PLCE1: variants seen among roughly 807,000 people sequenced by gnomAD.
PLCE1 encodes the protein 1-phosphatidylinositol 4,5-bisphosphate phosphodiesterase epsilon-1.
PLCE1 carries 119 observed loss-of-function variants against 242.8 expected under a neutral mutation model. That is an observed-to-expected ratio of 0.49 (90% CI 0.42 to 0.57). PLCE1 has a LOEUF of 0.57. Among genes scored for constraint, PLCE1 ranks in the 20% least tolerant of loss-of-function variants. The probability of loss-of-function intolerance (pLI) is 0.00; values close to 1 mark genes in which losing one functional copy is unlikely to be tolerated. For synonymous variants in PLCE1, 945 were observed against 1,017.4 expected (o/e 0.93, Z 1.35); for missense variants, 2,441 against 2,788.8 (o/e 0.88, Z 2.81).
At position 94,261,626 on chromosome 10, in the gene PLCE1, G is replaced by A. The variant is rs141011667; in HGVS notation, c.3815-868G>A. Among the ~76,000 whole-genome samples the A allele has an allele frequency of 3.3e-3, 507 of 152,260 alleles. 4 individuals carry two copies. The highest frequency in any genetic ancestry group is 0.012 in the African/African-American group (489 of 41,564). On this transcript the variant is annotated intron_variant, in intron 13 of 32. Coordinates refer to ENST00000371380, the MANE Select transcript of PLCE1 (RefSeq NM_016341.4). ...TTAAAATGGCCATACCAAAGTTGGT[G>A]CGAATGTGAAGCAATTGGAACATTG...
rs2052339147 is a variant in PLCE1 at position 94,283,854 on chromosome 10, TGAA to T, written c.4864_4866del (p.Glu1622del). On this transcript the variant is annotated inframe_deletion, in exon 21 of 33. Coordinates refer to ENST00000371380, the MANE Select transcript of PLCE1 (RefSeq NM_016341.4). ...ATGACAAGCTTCAGTTTGAATATAA[TGAA>T]GAAATCCCAAAGAGGATAAAGAAAG... 1 of 1,612,216 alleles carries T rather than the reference TGAA, an allele frequency of 6.2e-7. No homozygotes were observed. The highest frequency in any genetic ancestry group is 8.5e-7 in the Non-Finnish European group (1 of 1,178,760).
At chr10:94,325,923 T>C (rs907664200) in intron 32 of PLCE1, among the ~76,000 whole-genome samples, 1 of 152,190 alleles carries the variant, frequency 6.6e-6, no homozygotes, top group Non-Finnish European at 1.5e-5. Flanking sequence ...GCATCCGGGA[T>C]GTGGTTAAAA....
At chr10:94,250,564 G>A (rs2050841088) in intron 8 of PLCE1, among the ~76,000 whole-genome samples, 1 of 151,952 alleles carries the variant, frequency 6.6e-6, no homozygotes, top group Non-Finnish European at 1.5e-5. Context: ...ATTATTTTGT[G>A]TAAAACAAAA....
At chr10:94,086,596 G>A (rs1182432467) in intron 2 of PLCE1, among the ~76,000 whole-genome samples, 2 of 152,188 alleles carry the variant, frequency 1.3e-5, no homozygotes. Flanking sequence ...TGGAGGATAG[G>A]CCCATATGTC....
Position 94,284,832 on chromosome 10 carries a change from AT to A in PLCE1, c.4918-11del. On this transcript the variant is annotated splice_polypyrimidine_tract_variant and intron_variant, in intron 21 of 32. Transcript: ENST00000371380. ...TATACCTTCCATGTAAAATGGTATC[AT>A]TTTTCCCTTACCAGGTTTATGATAT... 7.3e-7 allele frequency: 1 copy of A among 1,373,426 alleles called. No individual in the cohort carries two copies. The highest frequency in any genetic ancestry group is 1.0e-6 in the Non-Finnish European group (1 of 960,380). The allele number at this position is 1,373,426 out of a possible 1,614,324, so 85.1% of individuals were successfully genotyped here. A position where few individuals can be genotyped will look rare whatever the true frequency, so the allele number is the denominator to read the frequency against.
chr10:94,277,043 G>A (rs564036767), intron 19 of PLCE1, among the ~76,000 whole-genome samples: 34 of 152,156 alleles, frequency 2.2e-4, no homozygotes, highest in Non-Finnish European at 3.5e-4. Flanking sequence ...AGACCTACCC[G>A]CTAACATAGA....
chr10:93,995,271 A>T (rs1347330188), intron 1 of PLCE1, among the ~76,000 whole-genome samples: 1 of 152,196 alleles, frequency 6.6e-6, no homozygotes, highest in Non-Finnish European at 1.5e-5. Flanking sequence ...TACTTTTCTG[A>T]AGAATGTCTG....
intron 2 of PLCE1, among the ~76,000 whole-genome samples, chr10:94,110,314 G>A (rs755668045): frequency 5.1e-4 from 78 of 151,906 alleles, no homozygotes; most frequent in Non-Finnish European, 1.0e-3. Context: ...CGCCTGCCTC[G>A]GCCTCCCAAA....
intron 1 of PLCE1, among the ~76,000 whole-genome samples, chr10:94,023,050 C>T (rs2134393715): frequency 6.6e-6 from 1 of 152,118 alleles, no homozygotes; most frequent in Admixed American, 6.6e-5. Flanking sequence ...AAATAATGTG[C>T]CATGACATGA....
intron 4 of PLCE1, among the ~76,000 whole-genome samples, chr10:94,213,402 G>A (rs777330603): frequency 2.0e-5 from 3 of 152,114 alleles, no homozygotes; most frequent in Non-Finnish European, 2.9e-5. Context: ...GATGTTTCCT[G>A]GACAAAGGCC....
At position 94,262,673 on chromosome 10, in the gene PLCE1, T is replaced by C; in HGVS notation, c.3994T>C (p.Phe1332Leu). 6.2e-7 allele frequency: 1 copy of C among 1,614,090 alleles called. No individual in the cohort carries two copies. The highest frequency in any genetic ancestry group is 8.5e-7 in the Non-Finnish European group (1 of 1,179,996). ...FGVGILQLND[F>L]LVNCQGEHCT... is the part of the protein sequence containing the mutation. Reference sequence around the variant, plus strand: ...GGTGGGCATACTTCAGCTCAACGATTTCCTCGTGAATTGCCAAGGAGAACA... The same window carrying C: ...GGTGGGCATACTTCAGCTCAACGATCTCCTCGTGAATTGCCAAGGAGAACA... Residue 1332 changes from phenylalanine (F) to leucine (L), a missense_variant, in exon 14 of 33, where the codon TTC (phenylalanine) becomes CTC (leucine). By Grantham distance (22) the Phe-to-Leu change is conservative (BLOSUM62 0). Transcript: ENST00000371380.
At position 94,252,384 on chromosome 10, in the gene PLCE1, T is replaced by G; in HGVS notation, c.3165T>G (p.Ser1055Arg). ...AVELFGGRRW[S>R]ARNPSPGTSA... ...AGTTGTTTGGTGGCAGACGGTGGAG[T>G]GCTCGAAACCCCAGCCCCGGAACAT... The change falls in exon 9 of 33, where the codon AGT (serine) becomes AGG (arginine). Residue 1055 changes from serine (S) to arginine (R), a missense_variant. By Grantham distance (110) the Ser-to-Arg change is moderately radical (BLOSUM62 -1). Transcript: ENST00000371380. 1.2e-6 allele frequency: 2 copies of G among 1,613,888 alleles called. No individual in the cohort carries two copies. Among genetic ancestry groups the G allele is most frequent in the South Asian group, 2.2e-5 (2 of 91,066 alleles).
rs193227294 is a variant in PLCE1 at position 94,115,182 on chromosome 10, G to C, written c.1207-16992G>C. 1.3e-3 allele frequency among the ~76,000 whole-genome samples: 203 copies of C among 152,238 alleles called. 1 individual carries two copies. Among genetic ancestry groups the C allele is most frequent in the African/African-American group, 4.5e-3 (187 of 41,544 alleles). On this transcript the variant is annotated intron_variant, in intron 2 of 32. Coordinates refer to ENST00000371380, the MANE Select transcript of PLCE1 (RefSeq NM_016341.4). ...CAGTCTATCATTGTTGGACATTTGGGTTGGTTCCAGGTCTTTGCTATTGTG... is the reference window on the plus strand; with the variant it reads ...CAGTCTATCATTGTTGGACATTTGGCTTGGTTCCAGGTCTTTGCTATTGTG...
At chr10:94,261,950 G>T (rs1190677090) in intron 13 of PLCE1, among the ~76,000 whole-genome samples, 1 of 150,996 alleles carries the variant, frequency 6.6e-6, no homozygotes, top group Non-Finnish European at 1.5e-5. Context: ...TAGTTGCCAT[G>T]TAATACCACA....
intron 2 of PLCE1, among the ~76,000 whole-genome samples, chr10:94,093,460 G>T (rs904843069): frequency 1.3e-5 from 2 of 152,178 alleles, no homozygotes; most frequent in African/African-American, 4.8e-5. Context: ...CAGTGACTCA[G>T]TTGCAAGAAA....
chr10:94,188,593 G>GT (rs1462590618), intron 4 of PLCE1, among the ~76,000 whole-genome samples: 3 of 152,056 alleles, frequency 2.0e-5, no homozygotes, highest in Non-Finnish European at 4.4e-5. Flanking sequence ...TTGTTCGTTT[G>GT]TTTGTTTTGT....
chr10:94,151,447 T>C (rs1256236014), intron 3 of PLCE1, among the ~76,000 whole-genome samples: 1 of 152,148 alleles, frequency 6.6e-6, no homozygotes, highest in African/African-American at 2.4e-5. Context: ...AAGATTTTGG[T>C]CCTGGGGAAA....
intron 2 of PLCE1, among the ~76,000 whole-genome samples, chr10:94,035,604 C>T (rs539323486): frequency 4.8e-4 from 73 of 152,248 alleles, no homozygotes; most frequent in African/African-American, 1.7e-3. Context: ...TTTTATTAAC[C>T]ATTAAGATGC....
At chr10:94,090,794 G>A (rs971476957) in intron 2 of PLCE1, among the ~76,000 whole-genome samples, 3 of 152,076 alleles carry the variant, frequency 2.0e-5, no homozygotes, top group Non-Finnish European at 4.4e-5. Flanking sequence ...GCAGTCTCTT[G>A]CGTTTTGTGT....
Sources: gnomAD v4.1 joint callset for allele counts (sites outside exome capture counted in the v4.1 genomes callset) on GRCh38, gnomAD v4.1.1 for gene constraint, MANE v1.5 for transcripts, NCBI Gene and HGNC (gene_info 2026-07-23, HGNC 2026-07-21) for gene names.